Variants in CELF2 observed in about 807,000 individuals in gnomAD.
CELF2 encodes the protein CUGBP Elav-like family member 2, also known as CUG triplet repeat RNA-binding protein 2.
In CELF2, 8 loss-of-function variants were observed where a neutral mutation model predicts 62.6. The ratio of observed to expected loss-of-function variants is 0.13; its 90% CI spans 0.07 to 0.23. CELF2 has a LOEUF of 0.23. Ranked by LOEUF, CELF2 falls within the 10% of genes least tolerant of loss-of-function variation. The pLI is 1.00. For synonymous variants in CELF2, 258 were observed against 250.0 expected (o/e 1.03, Z -0.30); for missense variants, 333 against 671.0 (o/e 0.50, Z 5.56).
intron 1 of CELF2, among the ~76,000 whole-genome samples, chr10:11,123,800 C>T (rs2058197996): frequency 1.3e-5 from 2 of 152,174 alleles, no homozygotes; most frequent in South Asian, 2.1e-4. Context: ...AAATATTAAG[C>T]TAATATGTAC....
In CELF2 at chr10:11,217,556, G is replaced by T; in HGVS notation, c.354+49G>T. On this transcript the variant is annotated intron_variant, in intron 3 of 12. Coordinates refer to ENST00000633077, the MANE Select transcript of CELF2 (RefSeq NM_001326342.2). This position sits in a 1 kb window ranked among gnomAD's most constrained non-coding sequence, Gnocchi z 5.6. ...AGAATCACTTTATTGCTTGAAAATG[G>T]TCCTTTCAACTGAAGGTTCTAGTTA... The T allele has an allele frequency of 7.1e-7, 1 of 1,413,300 alleles. No homozygotes were observed. Among genetic ancestry groups the T allele is most frequent in the Non-Finnish European group, 9.9e-7 (1 of 1,006,726 alleles). The allele number at this position is 1,413,300 out of a possible 1,614,324, so 87.5% of individuals were successfully genotyped here. A position where few individuals can be genotyped will look rare whatever the true frequency, so the allele number is the denominator to read the frequency against.
intron 1 of CELF2, among the ~76,000 whole-genome samples, chr10:10,859,008 T>A (rs2059910833): frequency 6.6e-6 from 1 of 152,178 alleles, no homozygotes; most frequent in Non-Finnish European, 1.5e-5. Flanking sequence ...CAGATGATAA[T>A]AAGTAAATAT....
intron 9 of CELF2, among the ~76,000 whole-genome samples, chr10:11,312,738 A>G (rs2094636214): frequency 6.6e-6 from 1 of 152,218 alleles, no homozygotes; most frequent in Non-Finnish European, 1.5e-5. Context: ...GATTGAGGCC[A>G]TCCTGGCCAA....
chr10:10,471,605 C>A, the CELF2 span, among the ~76,000 whole-genome samples: 2 of 151,450 alleles, frequency 1.3e-5, no homozygotes, highest in Non-Finnish European at 1.5e-5. Context: ...TACTTTCTGG[C>A]TTTTGAGCTA....
chr10:11,142,893 G>A (rs189362488), intron 1 of CELF2, among the ~76,000 whole-genome samples: 4 of 151,564 alleles, frequency 2.6e-5, no homozygotes, highest in South Asian at 2.1e-4. Context: ...CAGTCCCCTC[G>A]TGATTCTTCT....
the CELF2 span, chr10:10,776,682 C>G: frequency 6.5e-4 from 103 of 157,292 alleles, 1 homozygote; most frequent in Non-Finnish European, 6.9e-4. Flanking sequence ...CATCCCCACT[C>G]CCGGCTGCAT....
In CELF2 at chr10:11,280,743, A is replaced by T. The variant is rs540074102; in HGVS notation, c.841+5623A>T. Among the ~76,000 whole-genome samples the T allele has an allele frequency of 1.3e-5, 2 of 152,314 alleles. No individual in the cohort carries two copies. Among genetic ancestry groups the T allele is most frequent in the Non-Finnish European group, 2.9e-5 (2 of 68,026 alleles). The stretch of plus-strand genomic sequence containing the variant: ...GGCCTCTGCCTGGCTGAGTGGACAG[A>T]GGCCGCTCTGGGTGGGGGAAACGGT... On this transcript the variant is annotated intron_variant, in intron 8 of 12. Coordinates refer to ENST00000633077, the MANE Select transcript of CELF2 (RefSeq NM_001326342.2). The surrounding 1 kb of genome is among the most constrained non-coding windows in gnomAD (Gnocchi z 7.6).
chr10:11,245,965 A>G (rs148345277), intron 3 of CELF2, among the ~76,000 whole-genome samples: 30 of 152,250 alleles, frequency 2.0e-4, no homozygotes, highest in African/African-American at 7.2e-4. Flanking sequence ...CTCTGTCGTT[A>G]ATCACCTGTG....
the CELF2 span, among the ~76,000 whole-genome samples, chr10:10,754,029 AG>A: frequency 7.0e-6 from 1 of 143,484 alleles, no homozygotes; most frequent in Non-Finnish European, 1.5e-5. Context: ...ACATAAATAA[AG>A]GTTGTTTGGA....
At chr10:10,563,607 CAAAAAAA>C in the CELF2 span, among the ~76,000 whole-genome samples, 1 of 86,990 alleles carries the variant, frequency 1.1e-5, no homozygotes, top group Non-Finnish European at 2.6e-5. Flanking sequence ...GACTGTGTCT[CAAAAAAA>C]AAAAAAAAAA....
chr10:11,327,069 CTTACAGTCACCACG>C (rs2095780813), intron 12 of CELF2, among the ~76,000 whole-genome samples: 1 of 152,176 alleles, frequency 6.6e-6, no homozygotes, highest in Non-Finnish European at 1.5e-5. Context: ...ATGTCAGCCA[CTTACAGTCACCACG>C]TTACCCTAGC....
chr10:11,057,347 C>A (rs1241509169), intron 1 of CELF2, among the ~76,000 whole-genome samples: 1 of 152,198 alleles, frequency 6.6e-6, no homozygotes, highest in Non-Finnish European at 1.5e-5. Flanking sequence ...ACTAGCATGA[C>A]CCGTGCCAGA....
At chr10:10,505,519 C>T in the CELF2 span, among the ~76,000 whole-genome samples, 22 of 152,138 alleles carry the variant, frequency 1.4e-4, no homozygotes, top group African/African-American at 5.3e-4. Context: ...AGACCACTAA[C>T]ACCAAGGAGA....
At chr10:11,119,864 T>TCCCCCCCC (rs57433204) in intron 1 of CELF2, among the ~76,000 whole-genome samples, 18 of 112,170 alleles carry the variant, frequency 1.6e-4, no homozygotes, top group South Asian at 2.8e-4. Context: ...TGATTCCGCC[T>TCCCCCCCC]CCCCCCCCCC....
rs202193360 is a variant in CELF2, at chr10:11,288,521, G to A, written c.945G>A (p.Thr315=). ...CCAATGCAAACCCTCTCTCTACCAC[G>A]AGCAGCGCCCTGGGAGCCCTCACGA... is the stretch of plus-strand genomic sequence containing the variant. The part of the protein sequence containing the change: ...TSTNANPLST[T]SSALGALTSP... The change falls in exon 9 of 13, where the codon ACG becomes ACA. Residue 315 remains threonine (T), a synonymous_variant. Coordinates refer to ENST00000633077, the MANE Select transcript of CELF2 (RefSeq NM_001326342.2). 5.7e-5 allele frequency: 92 copies of A among 1,613,906 alleles called. No homozygotes were observed. In the African/African-American group the frequency reaches 8.4e-4, roughly 15 times the overall value.
rs1333647439 is a variant in CELF2, at chr10:11,335,256, T to C, written c.*6203T>C. The C allele has an allele frequency of 6.6e-6, 1 of 152,398 alleles. No homozygotes were observed. The highest frequency in any genetic ancestry group is 2.1e-4 in the South Asian group (1 of 4,834). The allele number at this position is 152,398 out of a possible 1,614,324, so 9.4% of individuals were successfully genotyped here. ...GCCGCAGGCCCTGTTCTGCCTCTGC[T>C]CAGGAATCTGATTGCTCTTAAAGTG... On this transcript the variant is annotated 3_prime_UTR_variant, in exon 13 of 13. Transcript: ENST00000633077. This position sits in a 1 kb window ranked among gnomAD's most constrained non-coding sequence, Gnocchi z 5.0.
chr10:11,274,988 T>G, intron 7 of CELF2, 69 bp from the exon 8 acceptor site: 1 of 1,422,838 alleles, frequency 7.0e-7, no homozygotes, highest in Non-Finnish European at 9.9e-7. Flanking sequence ...ACTGAATTTG[T>G]CCCCAGTTTA....
chr10:10,691,010 T>A, the CELF2 span, among the ~76,000 whole-genome samples: 14 of 152,212 alleles, frequency 9.2e-5, no homozygotes, highest in African/African-American at 3.4e-4. Flanking sequence ...ATGGTGATTT[T>A]TTTTTATTAT....
chr10:11,045,002 A>G (rs2062562966), intron 1 of CELF2, among the ~76,000 whole-genome samples: 1 of 152,234 alleles, frequency 6.6e-6, no homozygotes, highest in African/African-American at 2.4e-5. Flanking sequence ...TCCATTTAAT[A>G]GAATAGCCAA....
Sources: gnomAD v4.1 joint callset for allele counts (sites outside exome capture counted in the v4.1 genomes callset) on GRCh38, gnomAD v4.1.1 for gene constraint, Gnocchi (gnomAD v3.1) non-coding constraint, MANE v1.5 for transcripts, NCBI Gene and HGNC (gene_info 2026-07-23, HGNC 2026-07-21) for gene names.